Variants in OR7E24 observed in about 807,000 individuals in gnomAD.
The protein encoded by OR7E24 is olfactory receptor 7E24.
For synonymous variants in OR7E24, 130 were observed against 157.5 expected (o/e 0.83, Z 1.31); for missense variants, 385 against 410.3 (o/e 0.94, Z 0.53).
At chr19:9,215,361 A>AC in the OR7E24 span, among the ~76,000 whole-genome samples, 8 of 147,588 alleles carry the variant, frequency 5.4e-5, no homozygotes, top group African/African-American at 1.8e-4. Flanking sequence ...AAAAAAAAAA[A>AC]AAAACCTCTT....
chr19:9,223,647 G>A, the OR7E24 span, among the ~76,000 whole-genome samples: 1 of 151,740 alleles, frequency 6.6e-6, no homozygotes, highest in African/African-American at 2.4e-5. Context: ...CCCTGAACTT[G>A]GCTATAATGA....
At chr19:9,245,843 T>C (rs1461335047), upstream of OR7E24, among the ~76,000 whole-genome samples, 2 of 152,084 alleles carry the variant, frequency 1.3e-5, no homozygotes, top group African/African-American at 2.4e-5. Context: ...CCCTCGTGAC[T>C]GGGCCTCATG....
chr19:9,251,665 T>C lies in OR7E24; in HGVS notation c.622T>C (p.Ser208Pro). The change falls in exon 1 of 1, where the codon TCC becomes CCC. Residue 208 changes from serine (S) to proline (P), a missense_variant. By Grantham distance (74) the Ser-to-Pro change is moderately conservative (BLOSUM62 -1). Transcript: ENST00000456448. Reference protein sequence around the residue: ...DPSQLLHLRCSDTFINEMVIY... With the variant: ...DPSQLLHLRCPDTFINEMVIY... ...TTCTCAACTCCTCCACCTTAGGTGT[T>C]CCGACACCTTCATCAATGAAATGGT... The C allele has an allele frequency of 3.1e-6, 5 of 1,613,872 alleles. No homozygotes were observed. The South Asian group carries it at 5.5e-5, about 18-fold the overall frequency.
the OR7E24 span, among the ~76,000 whole-genome samples, chr19:9,229,916 A>G: frequency 6.6e-6 from 1 of 151,902 alleles, no homozygotes; most frequent in Non-Finnish European, 1.5e-5. Flanking sequence ...ATCAGTGACA[A>G]TCAGAGTCAG....
the OR7E24 span, among the ~76,000 whole-genome samples, chr19:9,222,783 C>T: frequency 2.0e-5 from 3 of 152,180 alleles, no homozygotes; most frequent in South Asian, 6.2e-4. Flanking sequence ...GTTTGGATGT[C>T]TTTTATTTTT....
the OR7E24 span, among the ~76,000 whole-genome samples, chr19:9,232,130 C>CA: frequency 6.6e-6 from 1 of 152,150 alleles, no homozygotes; most frequent in Non-Finnish European, 1.5e-5. Flanking sequence ...AAGCGGGCTG[C>CA]AAGCTTGCAC....
At chr19:9,247,847 C>T (rs533897880), upstream of OR7E24, among the ~76,000 whole-genome samples, 1 of 152,186 alleles carries the variant, frequency 6.6e-6, no homozygotes, top group East Asian at 1.9e-4. Flanking sequence ...ATTTGCATGT[C>T]CCTGCCAATG....
chr19:9,211,818 T>C, the OR7E24 span: 1 of 150,306 alleles, frequency 6.7e-6, no homozygotes, highest in South Asian at 2.1e-4. Flanking sequence ...ATTCTTCTCA[T>C]GGAAGGCCTG....
Position 9,251,099 on chromosome 19 carries a change from C to G in OR7E24, c.56C>G (p.Thr19Arg), listed in dbSNP as rs201220976. The G allele has an allele frequency of 7.8e-5, 126 of 1,612,880 alleles. No homozygotes were observed. In the African/African-American group the frequency reaches 1.5e-3, roughly 20 times the overall value. Residue 19 changes from threonine to arginine, a missense_variant, in exon 1 of 1, where the codon ACA becomes AGA. Transcript: ENST00000456448. The part of the protein sequence containing the change: ...FFFLKRCPSY[T>R]EPQNLTGVSE... ...TTCCTCAAAAGGTGTCCGAGCTACA[C>G]AGAGCCACAGAATCTCACAGGTGTC...
the OR7E24 span, among the ~76,000 whole-genome samples, chr19:9,229,546 G>A: frequency 0.069 from 6,628 of 96,002 alleles, 515 homozygotes; most frequent in African/African-American, 0.26. Flanking sequence ...AAAAAAAAAA[G>A]AAAGAAAGAA....
At chr19:9,218,476 C>T in the OR7E24 span, among the ~76,000 whole-genome samples, 1 of 152,022 alleles carries the variant, frequency 6.6e-6, no homozygotes, top group East Asian at 1.9e-4. Flanking sequence ...AGGAAGAAAC[C>T]AAGGACAATT....
chr19:9,223,320 T>A, the OR7E24 span, among the ~76,000 whole-genome samples: 3 of 152,368 alleles, frequency 2.0e-5, no homozygotes, highest in East Asian at 5.8e-4. Context: ...TCAGCCCTTG[T>A]GGCCACTCTG....
At chr19:9,240,141 G>T in the OR7E24 span, among the ~76,000 whole-genome samples, 2 of 152,236 alleles carry the variant, frequency 1.3e-5, no homozygotes, top group Admixed American at 1.3e-4. Context: ...CAAAGTGCTG[G>T]GTTTACAGGC....
chr19:9,210,205 C>T, the OR7E24 span: 1 of 152,300 alleles, frequency 6.6e-6, no homozygotes, highest in East Asian at 1.9e-4. Context: ...CTTTCTTCCA[C>T]ATTCAACTTG....
chr19:9,234,048 T>C, the OR7E24 span, among the ~76,000 whole-genome samples: 1 of 151,940 alleles, frequency 6.6e-6, no homozygotes, highest in Non-Finnish European at 1.5e-5. Context: ...GGACTACAGG[T>C]GCGCACCACC....
At chr19:9,230,830 G>T in the OR7E24 span, among the ~76,000 whole-genome samples, 3 of 152,072 alleles carry the variant, frequency 2.0e-5, no homozygotes, top group African/African-American at 7.2e-5. Context: ...GTCTTTAAAT[G>T]TTCAGGAGAC....
At chr19:9,218,533 A>G in the OR7E24 span, among the ~76,000 whole-genome samples, 5 of 152,336 alleles carry the variant, frequency 3.3e-5, no homozygotes, top group South Asian at 8.3e-4. Flanking sequence ...AGGCAACAAG[A>G]TATGCTATGT....
upstream of OR7E24, among the ~76,000 whole-genome samples, chr19:9,246,534 G>A (rs963299504): frequency 4.7e-5 from 7 of 148,678 alleles, no homozygotes; most frequent in African/African-American, 9.9e-5. Flanking sequence ...CCCCTTGTGC[G>A]TTTCCTGCAC....
At chr19:9,228,734 A>G in the OR7E24 span, among the ~76,000 whole-genome samples, 1 of 152,236 alleles carries the variant, frequency 6.6e-6, no homozygotes. Flanking sequence ...ACTTTGGAGT[A>G]GATGGTGAAT....
Sources: allele counts gnomAD v4.1 joint callset (sites outside exome capture counted in the v4.1 genomes callset), GRCh38; gene constraint gnomAD v4.1.1; transcripts MANE v1.5; gene names NCBI Gene and HGNC (gene_info 2026-07-23, HGNC 2026-07-21).